FNIP1: variants seen among roughly 807,000 people sequenced by gnomAD.
FNIP1 encodes folliculin interacting protein 1, also known as folliculin-interacting protein 1.
FNIP1 carries 40 observed loss-of-function variants against 124.5 expected under a neutral mutation model. That is an observed-to-expected ratio of 0.32 (90% CI 0.25 to 0.42). FNIP1 has a LOEUF of 0.42. Ranked by LOEUF, FNIP1 falls within the 10% of genes least tolerant of loss-of-function variation. The probability of loss-of-function intolerance (pLI) is 1.00; values close to 1 mark genes in which losing one functional copy is unlikely to be tolerated. For missense variants in FNIP1, 1,176 were observed against 1,403.7 expected, an observed-to-expected ratio of 0.84 and a Z score of 2.59; for synonymous variants, 472 against 470.6, an observed-to-expected ratio of 1.00 and a Z score of -0.04.
intron 8 of FNIP1, among the ~76,000 whole-genome samples, chr5:131,707,868 T>C (rs1769164699): frequency 6.6e-6 from 1 of 152,162 alleles, no homozygotes; most frequent in South Asian, 2.1e-4. Context: ...TTACAAAGAA[T>C]GTAAGTATAA....
intron 2 of FNIP1, 25 bp from the exon 3 acceptor site, chr5:131,731,063 A>G: frequency 6.3e-7 from 1 of 1,582,216 alleles, no homozygotes; most frequent in Non-Finnish European, 8.6e-7. Flanking sequence ...ATTTCCACTC[A>G]TGTTTTAACA....
rs139550903 is a variant in FNIP1 at position 131,767,427 on chromosome 5, CAAAAAAAAA to C, written c.93-22746_93-22738del. On this transcript the variant is annotated intron_variant, in intron 1 of 17. Coordinates refer to ENST00000510461, the MANE Select transcript of FNIP1 (RefSeq NM_133372.3). ...CTGGTGACAGAGTGAGATTCTGTCT[CAAAAAAAAA>C]AAAAAAAAAAAAAAAAAAAAGAAAA... Among the ~76,000 whole-genome samples the C allele has an allele frequency of 9.4e-4, 60 of 64,016 alleles. 1 individual carries two copies. The highest frequency in any genetic ancestry group is 3.0e-3 in the African/African-American group (59 of 19,882). The allele number at this position is 64,016 out of a possible 152,430, so 42.0% of individuals were successfully genotyped here.
intron 11 of FNIP1, among the ~76,000 whole-genome samples, chr5:131,698,455 C>T (rs1328239366): frequency 2.0e-5 from 3 of 152,206 alleles, no homozygotes; most frequent in Admixed American, 1.3e-4. Flanking sequence ...CCAGAAAACC[C>T]TAGCGGAAGG....
chr5:131,774,440 G>A (rs1476288328), intron 1 of FNIP1, among the ~76,000 whole-genome samples: 1 of 152,142 alleles, frequency 6.6e-6, no homozygotes, highest in Non-Finnish European at 1.5e-5. Flanking sequence ...CACTGAACAA[G>A]TCTTAGATTT....
intron 10 of FNIP1, among the ~76,000 whole-genome samples, chr5:131,702,903 T>A (rs181342246): frequency 7.0e-4 from 106 of 152,314 alleles, no homozygotes; most frequent in Middle Eastern, 3.4e-3. Context: ...CGTCAAACTC[T>A]TAATGTTAAA....
chr5:131,653,330 GA>G, intron 15 of FNIP1, among the ~76,000 whole-genome samples: 1 of 152,146 alleles, frequency 6.6e-6, no homozygotes, highest in South Asian at 2.1e-4. Context: ...CTAAGGTCAG[GA>G]GTTTGAGACC....
At chr5:131,710,143 G>A (rs1769239803) in intron 7 of FNIP1, among the ~76,000 whole-genome samples, 1 of 152,074 alleles carries the variant, frequency 6.6e-6, no homozygotes, top group African/African-American at 2.4e-5. Context: ...CTGCTCTTAT[G>A]GAATAGTGTA....
chr5:131,766,422 C>T (rs1771426914), intron 1 of FNIP1, among the ~76,000 whole-genome samples: 1 of 152,086 alleles, frequency 6.6e-6, no homozygotes, highest in African/African-American at 2.4e-5. Context: ...TTCCCCGGTC[C>T]CAATCTACAA....
At position 131,705,553 on chromosome 5, in the gene FNIP1, C is replaced by T. The variant is rs140771281; in HGVS notation, c.914+858G>A. Among the ~76,000 whole-genome samples the T allele has an allele frequency of 5.1e-3, 776 of 152,200 alleles. 4 individuals carry two copies. Among genetic ancestry groups the T allele is most frequent in the African/African-American group, 0.017 (711 of 41,550 alleles). ...ATCCACAATGAGGAACCACTTCAGA[C>T]TCATTAAGATGGCTATTATCAAAAA... On this transcript the variant is annotated intron_variant, in intron 9 of 17. Transcript: ENST00000510461.
intron 1 of FNIP1, among the ~76,000 whole-genome samples, chr5:131,776,498 T>C (rs1466484608): frequency 6.6e-6 from 1 of 152,198 alleles, no homozygotes; most frequent in Non-Finnish European, 1.5e-5. Flanking sequence ...TGAAAAACAA[T>C]ACTCCATCAA....
chr5:131,770,729 T>C (rs907060282), intron 1 of FNIP1, among the ~76,000 whole-genome samples: 4 of 152,142 alleles, frequency 2.6e-5, no homozygotes, highest in Non-Finnish European at 5.9e-5. Flanking sequence ...ACCTCTAAGA[T>C]TGGTATAGGG....
chr5:131,774,668 C>A (rs1237082956), intron 1 of FNIP1, among the ~76,000 whole-genome samples: 1 of 152,182 alleles, frequency 6.6e-6, no homozygotes, highest in African/African-American at 2.4e-5. Flanking sequence ...GGTTAGACAG[C>A]TGCTGAAGAC....
At chr5:131,772,487 T>C (rs1022306448) in intron 1 of FNIP1, among the ~76,000 whole-genome samples, 1 of 151,496 alleles carries the variant, frequency 6.6e-6, no homozygotes, top group African/African-American at 2.4e-5. Flanking sequence ...AATTTCAAAA[T>C]CTCTCACCCC....
At chr5:131,713,880 A>C (rs997063266) in intron 6 of FNIP1, among the ~76,000 whole-genome samples, 2 of 152,236 alleles carry the variant, frequency 1.3e-5, no homozygotes, top group African/African-American at 4.8e-5. Context: ...TAACATGATC[A>C]GCCTTCTAAT....
At chr5:131,727,047 T>C (rs982873921) in intron 3 of FNIP1, among the ~76,000 whole-genome samples, 2 of 152,234 alleles carry the variant, frequency 1.3e-5, no homozygotes, top group African/African-American at 4.8e-5. Flanking sequence ...TTGCATTTGC[T>C]GAGGAGTGTT....
intron 2 of FNIP1, among the ~76,000 whole-genome samples, chr5:131,739,835 A>AAAC (rs1554097677): frequency 1.1e-3 from 158 of 148,808 alleles, no homozygotes; most frequent in Admixed American, 2.2e-3. Flanking sequence ...AAAAAAAAAA[A>AAAC]AACACTGTTT....
At chr5:131,674,168 C>T (rs1242311200) in intron 13 of FNIP1, among the ~76,000 whole-genome samples, 1 of 152,176 alleles carries the variant, frequency 6.6e-6, no homozygotes, top group Non-Finnish European at 1.5e-5. Flanking sequence ...GCCTATTTTC[C>T]CCTTCCATTC....
At chr5:131,656,438 A>G (rs1767193941) in intron 15 of FNIP1, among the ~76,000 whole-genome samples, 1 of 152,218 alleles carries the variant, frequency 6.6e-6, no homozygotes, top group South Asian at 2.1e-4. Context: ...AAATCTCATA[A>G]TGAAAATGCA....
intron 2 of FNIP1, among the ~76,000 whole-genome samples, chr5:131,742,421 C>T (rs1770542874): frequency 6.6e-6 from 1 of 152,110 alleles, no homozygotes; most frequent in African/African-American, 2.4e-5. Flanking sequence ...TGAGATTGTG[C>T]CACTGCACTC....
Sources: allele counts gnomAD v4.1 joint callset (sites outside exome capture counted in the v4.1 genomes callset), GRCh38; gene constraint gnomAD v4.1.1; transcripts MANE v1.5; gene names NCBI Gene and HGNC (gene_info 2026-07-23, HGNC 2026-07-21).